The following CLDN16 variants were observed in gnomAD, a reference collection of about 807,000 sequenced individuals.
CLDN16 encodes claudin 16.
In CLDN16, 13 loss-of-function variants were observed where a neutral mutation model predicts 24.6. The ratio of observed to expected loss-of-function variants is 0.53; its 90% confidence interval spans 0.34 to 0.84. The LOEUF is 0.84. Ranked by LOEUF, CLDN16 falls within the 40% of genes least tolerant of loss-of-function variation. CLDN16 has a pLI of 0.01. For missense variants in CLDN16, 298 were observed against 292.7 expected (o/e 1.02, Z -0.13); for synonymous variants, 116 against 106.7 (o/e 1.09, Z -0.54).
At chr3:190,297,642 T>C in the CLDN16 span, among the ~76,000 whole-genome samples, 2 of 141,382 alleles carry the variant, frequency 1.4e-5, no homozygotes, top group Admixed American at 7.4e-5. Context: ...ATATATAATA[T>C]ATATCTATAT....
upstream of CLDN16, chr3:190,322,074 C>T (rs1354348849): frequency 1.9e-6 from 3 of 1,614,222 alleles, no homozygotes; most frequent in Non-Finnish European, 1.7e-6. Flanking sequence ...TCGTACATGG[C>T]CTGGGCGGTC....
chr3:190,394,684 G>T (rs976361720), intron 1 of CLDN16, among the ~76,000 whole-genome samples: 1 of 151,996 alleles, frequency 6.6e-6, no homozygotes, highest in South Asian at 2.1e-4. Context: ...TTGATAGAGC[G>T]CCTAGTAACA....
chr3:190,364,361 A>C (rs1717973643), intron 1 of CLDN16, among the ~76,000 whole-genome samples: 1 of 151,888 alleles, frequency 6.6e-6, no homozygotes, highest in Non-Finnish European at 1.5e-5. Flanking sequence ...GCCATCCTGG[A>C]TGTACCTCTT....
At chr3:190,296,806 TC>T in the CLDN16 span, among the ~76,000 whole-genome samples, 1 of 152,120 alleles carries the variant, frequency 6.6e-6, no homozygotes, top group African/African-American at 2.4e-5. Context: ...CGTCTTGGCC[TC>T]CCAAAGTGCT....
At chr3:190,343,705 A>G (rs75363162) in intron 1 of CLDN16, among the ~76,000 whole-genome samples, 5,949 of 152,176 alleles carry the variant, frequency 0.039, 384 homozygotes, top group African/African-American at 0.13. Flanking sequence ...TCAGACACAG[A>G]AAGAAAAATA....
chr3:190,333,917 T>C (rs1011213693), intron 1 of CLDN16, among the ~76,000 whole-genome samples: 1 of 152,106 alleles, frequency 6.6e-6, no homozygotes, highest in Admixed American at 6.6e-5. Context: ...CACAGAACCA[T>C]GTAAATTTTA....
At chr3:190,370,470 T>A (rs1718114831) in intron 1 of CLDN16, among the ~76,000 whole-genome samples, 1 of 151,984 alleles carries the variant, frequency 6.6e-6, no homozygotes, top group Non-Finnish European at 1.5e-5. Context: ...GTATCACTCA[T>A]TACGGCTTGG....
the CLDN16 span, among the ~76,000 whole-genome samples, chr3:190,299,569 C>A: frequency 6.6e-6 from 1 of 151,130 alleles, no homozygotes; most frequent in Non-Finnish European, 1.5e-5. Context: ...ATATTTAAGT[C>A]TTTAACCTAT....
chr3:190,297,310 TA>T, the CLDN16 span, among the ~76,000 whole-genome samples: 2 of 151,476 alleles, frequency 1.3e-5, no homozygotes, highest in Non-Finnish European at 2.9e-5. Flanking sequence ...GCTGAGTCCA[TA>T]TATTATTCTG....
chr3:190,295,071 T>G, the CLDN16 span, among the ~76,000 whole-genome samples: 2 of 151,984 alleles, frequency 1.3e-5, no homozygotes, highest in African/African-American at 2.4e-5. Context: ...CCCTATAAAT[T>G]TTTACAGTAT....
chr3:190,332,281 C>T (rs983868143), intron 1 of CLDN16, among the ~76,000 whole-genome samples: 1 of 152,096 alleles, frequency 6.6e-6, no homozygotes, highest in African/African-American at 2.4e-5. Context: ...TAATTATTCA[C>T]ATATTTCTGA....
At chr3:190,350,701 A>G (rs534891969) in intron 1 of CLDN16, among the ~76,000 whole-genome samples, 1 of 152,208 alleles carries the variant, frequency 6.6e-6, no homozygotes, top group South Asian at 2.1e-4. Flanking sequence ...ATTGAAACCT[A>G]TTACTGTGTT....
upstream of CLDN16, chr3:190,388,160 A>G (rs1322456654): frequency 9.9e-6 from 16 of 1,614,034 alleles, no homozygotes; most frequent in South Asian, 3.3e-5. Flanking sequence ...GCCTGTTTGT[A>G]TTATTCTTAC....
the CLDN16 span, among the ~76,000 whole-genome samples, chr3:190,296,650 C>T: frequency 6.6e-6 from 1 of 150,726 alleles, no homozygotes; most frequent in African/African-American, 2.4e-5. Context: ...CCCGGGTTCA[C>T]GCCATTCTCC....
chr3:190,295,388 T>C, the CLDN16 span, among the ~76,000 whole-genome samples: 1 of 152,146 alleles, frequency 6.6e-6, no homozygotes, highest in Admixed American at 6.5e-5. Flanking sequence ...ATGGCTTAGG[T>C]TGGACAGAAA....
At chr3:190,343,101 C>A (rs75399676) in intron 1 of CLDN16, among the ~76,000 whole-genome samples, 5,964 of 152,078 alleles carry the variant, frequency 0.039, 391 homozygotes, top group African/African-American at 0.13. Context: ...AAGATCTCAT[C>A]CAACTCAATA....
chr3:190,350,882 G>A lies in CLDN16; in HGVS notation n.122-20011G>A, dbSNP rs145389573. 5.3e-5 allele frequency among the ~76,000 whole-genome samples: 8 copies of A among 152,182 alleles called. No individual in the cohort carries two copies. In the South Asian group the frequency reaches 8.3e-4, roughly 16 times the overall value. On this transcript the variant is annotated intron_variant and non_coding_transcript_variant, in intron 1 of 4. Transcript: ENST00000468220. ...TTTAGTCTATAGACAATCTTTCCTC[G>A]CAGTCTTCTTCATTCTGGGCCAGAC...
intron 1 of CLDN16, among the ~76,000 whole-genome samples, chr3:190,396,945 G>A (rs1946326): frequency 0.057 from 8,734 of 152,170 alleles, 670 homozygotes; most frequent in African/African-American, 0.17. Flanking sequence ...AGTAGCCAGC[G>A]TTCACGAGAG....
intron 1 of CLDN16, among the ~76,000 whole-genome samples, chr3:190,366,293 A>C (rs111575477): frequency 6.6e-6 from 1 of 151,936 alleles, no homozygotes; most frequent in Admixed American, 6.6e-5. Flanking sequence ...TTCCAACATT[A>C]TGCCAGCCAA....
Sources: gnomAD v4.1 joint callset for allele counts (sites outside exome capture counted in the v4.1 genomes callset) on GRCh38, gnomAD v4.1.1 for gene constraint, MANE v1.5 for transcripts, NCBI Gene and HGNC (gene_info 2026-07-23, HGNC 2026-07-21) for gene names.